Variants in ASCC3 observed in about 807,000 individuals in gnomAD.
ASCC3 encodes ASC-1 complex subunit P200.
A neutral mutation model predicts 256.3 loss-of-function variants in ASCC3; 158 were observed. That is an observed-to-expected ratio of 0.62 (90% CI 0.54 to 0.70). The LOEUF is 0.70. ASCC3 is among the 30% of genes least tolerant of loss of function. ASCC3 has a pLI of 0.00. For missense variants in ASCC3, 2,259 were observed against 2,626.0 expected, an observed-to-expected ratio of 0.86 and a Z score of 3.05; for synonymous variants, 948 against 883.4, an observed-to-expected ratio of 1.07 and a Z score of -1.30.
At chr6:100,517,885 CAAT>C in intron 38 of ASCC3, 103 bp downstream of exon 38, 1 of 1,249,544 alleles carries the variant, frequency 8.0e-7, no homozygotes, top group Non-Finnish European at 1.1e-6. Context: ...TTTTCCATGT[CAAT>C]AATCAGTATT....
chr6:100,654,984 A>ATT (rs142334673), intron 17 of ASCC3, among the ~76,000 whole-genome samples: 4,572 of 152,132 alleles, frequency 0.03, 72 homozygotes, highest in African/African-American at 0.055. Flanking sequence ...AGTTCAACTT[A>ATT]TACAAATTTT....
Position 100,605,683 on chromosome 6 carries a change from C to G in ASCC3, c.5062G>C (p.Gly1688Arg), listed in dbSNP as rs199912462. ...FPITDVLQMM[G>R]RAGRPQFDDQ... ...TCGAACTGCGGCCTCCCAGCACGCC[C>G]CATCATCTGGAGGACATCTTTAAAA... The change falls in exon 33 of 42, where the codon GGG (glycine) becomes CGG (arginine). Residue 1688 changes from glycine to arginine, a missense_variant. By Grantham distance (125) the Gly-to-Arg change is moderately radical. Around this residue, in one of 2 missense-constraint regions of ASCC3, gnomAD observed 1,839 missense variants for 2,206.7 expected, o/e 0.83. Transcript: ENST00000369162. 5 of 1,613,326 alleles carry G rather than the reference C, an allele frequency of 3.1e-6. No homozygotes were observed. The Admixed American group carries it at 5.0e-5, about 16-fold the overall frequency.
chr6:100,859,561 A>T (rs1236043532), intron 3 of ASCC3, among the ~76,000 whole-genome samples: 1 of 151,964 alleles, frequency 6.6e-6, no homozygotes, highest in Non-Finnish European at 1.5e-5. Flanking sequence ...TATTCCAGTC[A>T]TTGCTTTATA....
chr6:100,645,187 G>GT (rs1380694288), intron 22 of ASCC3, among the ~76,000 whole-genome samples: 1 of 152,086 alleles, frequency 6.6e-6, no homozygotes, highest in African/African-American at 2.4e-5. Context: ...AGGAGACAGT[G>GT]TAAGAAATAC....
At chr6:100,828,840 G>A (rs575571591) in intron 4 of ASCC3, among the ~76,000 whole-genome samples, 53 of 152,112 alleles carry the variant, frequency 3.5e-4, no homozygotes, top group African/African-American at 9.9e-4. Context: ...GTGTGGAAGC[G>A]GACCCAAGCA....
chr6:100,509,797 A>G, intron 41 of ASCC3, 135 bp downstream of exon 41: 1 of 892,116 alleles, frequency 1.1e-6, no homozygotes, highest in South Asian at 1.7e-5. Context: ...CTGAGGCAGG[A>G]GAATGGCGTG....
At chr6:100,550,874 A>G (rs1462583230) in intron 36 of ASCC3, among the ~76,000 whole-genome samples, 1 of 151,924 alleles carries the variant, frequency 6.6e-6, no homozygotes, top group Non-Finnish European at 1.5e-5. Flanking sequence ...ACAGTTGAGT[A>G]TATTTTGGGT....
chr6:100,628,698 T>G (rs1415746265), intron 27 of ASCC3, among the ~76,000 whole-genome samples: 1 of 152,148 alleles, frequency 6.6e-6, no homozygotes, highest in African/African-American at 2.4e-5. Context: ...CTACATTTAC[T>G]GTACAAGCTG....
At chr6:100,685,307 TTA>T (rs1233709456) in intron 13 of ASCC3, among the ~76,000 whole-genome samples, 8 of 152,170 alleles carry the variant, frequency 5.3e-5, no homozygotes, top group African/African-American at 1.9e-4. Flanking sequence ...TCCTGGCAGT[TTA>T]TGTTTTCATT....
At chr6:100,561,163 A>G (rs1769928640) in intron 36 of ASCC3, among the ~76,000 whole-genome samples, 1 of 151,954 alleles carries the variant, frequency 6.6e-6, no homozygotes. Context: ...GTCTACAAAT[A>G]GCAAAATTGT....
Position 100,593,708 on chromosome 6 carries a change from T to G in ASCC3, c.5304-3649A>C, listed in dbSNP as rs906646262. Among the ~76,000 whole-genome samples the G allele has an allele frequency of 3.9e-4, 59 of 151,884 alleles. 1 individual carries two copies. Among genetic ancestry groups the G allele is most frequent in the African/African-American group, 1.4e-3 (58 of 41,374 alleles). ...GGGAAGTCATTTGTTACAGCACCAT[T>G]TTTTTTATGTTCAGATTATGCAGCA... is the stretch of plus-strand genomic sequence containing the variant. On this transcript the variant is annotated intron_variant, in intron 34 of 41. Transcript: ENST00000369162.
chr6:100,652,403 T>A lies in ASCC3; in HGVS notation c.2988+322A>T, dbSNP rs1157655573. On this transcript the variant is annotated intron_variant, in intron 18 of 41. Coordinates refer to ENST00000369162, the MANE Select transcript of ASCC3 (RefSeq NM_006828.4). Reference sequence around the variant, plus strand: ...AGTGCTATACAAATAGAAGGTTTATTTGGGGAAAGACGGGGGAAAGTTAGT... The same window carrying A: ...AGTGCTATACAAATAGAAGGTTTATATGGGGAAAGACGGGGGAAAGTTAGT... Among the ~76,000 whole-genome samples the A allele has an allele frequency of 2.0e-5, 3 of 152,088 alleles. No individual in the cohort carries two copies. In the East Asian group the frequency reaches 5.8e-4, roughly 29 times the overall value.
chr6:100,662,019 T>C lies in ASCC3; in HGVS notation c.2490A>G (p.Ile830Met), dbSNP rs372433854. Residue 830 changes from isoleucine to methionine, a missense_variant, in exon 16 of 42, where the codon ATA becomes ATG. This residue lies in a region of ASCC3 where 1,839 missense variants were observed against 2,206.7 expected (regional missense o/e 0.83). Transcript: ENST00000369162. Reference sequence around the variant, plus strand: ...CAAAGGAGCCTCTTTTTGCAGCATATATTTGTGTTCCCTAGATGAGGAAAA... The same window carrying C: ...CAAAGGAGCCTCTTTTTGCAGCATACATTTGTGTTCCCTAGATGAGGAAAA... ...AHAVIIKGTQ[I>M]YAAKRGSFVD... The C allele has an allele frequency of 6.2e-7, 1 of 1,613,184 alleles. No individual in the cohort carries two copies. Among genetic ancestry groups the C allele is most frequent in the Admixed American group, 1.7e-5 (1 of 59,912 alleles).
intron 13 of ASCC3, among the ~76,000 whole-genome samples, chr6:100,698,602 A>T (rs540107312): frequency 2.0e-4 from 31 of 152,320 alleles, no homozygotes; most frequent in Admixed American, 1.6e-3. Flanking sequence ...TTAAATTAGG[A>T]GAAATTAGAT....
At chr6:100,548,656 G>C (rs2114679849) in intron 36 of ASCC3, among the ~76,000 whole-genome samples, 1 of 152,034 alleles carries the variant, frequency 6.6e-6, no homozygotes, top group Admixed American at 6.6e-5. Flanking sequence ...GGAAACATGA[G>C]AGAGTTTTGT....
At chr6:100,694,671 G>A (rs1024808521) in intron 13 of ASCC3, among the ~76,000 whole-genome samples, 4 of 152,106 alleles carry the variant, frequency 2.6e-5, no homozygotes, top group African/African-American at 9.7e-5. Context: ...GCTTGAAGGG[G>A]CTTCCACTGG....
At chr6:100,626,839 T>C (rs9322116) in intron 29 of ASCC3, among the ~76,000 whole-genome samples, 9,928 of 152,154 alleles carry the variant, frequency 0.065, 733 homozygotes, top group East Asian at 0.3. Context: ...GGATTTTTGC[T>C]GCTGAAAGAA....
intron 12 of ASCC3, among the ~76,000 whole-genome samples, chr6:100,717,012 AAAAC>A (rs1165622031): frequency 2.0e-5 from 3 of 152,010 alleles, no homozygotes; most frequent in Non-Finnish European, 4.4e-5. Flanking sequence ...ATAACTGAAA[AAAAC>A]AAGCAGCAAA....
intron 6 of ASCC3, among the ~76,000 whole-genome samples, chr6:100,800,006 T>G (rs1420285417): frequency 1.3e-5 from 2 of 152,052 alleles, no homozygotes; most frequent in Non-Finnish European, 2.9e-5. Context: ...AATAAATTTA[T>G]GTAAGCTATA....
Sources: gnomAD v4.1 joint callset for allele counts (sites outside exome capture counted in the v4.1 genomes callset) on GRCh38, gnomAD v4.1.1 for gene constraint, gnomAD v4.1.1 regional missense constraint, MANE v1.5 for transcripts, NCBI Gene and HGNC (gene_info 2026-07-23, HGNC 2026-07-21) for gene names.